CDH3: variants seen among roughly 807,000 people sequenced by gnomAD.
CDH3 encodes cadherin-3.
Under a neutral mutation model 82.0 loss-of-function variants are expected in CDH3, and 54 were observed. The observed-to-expected ratio is 0.66, with a 90% CI of 0.53 to 0.83. The LOEUF (loss-of-function observed/expected upper bound fraction) is 0.83, where lower values mean the gene tolerates loss of function less well. Ranked by LOEUF, CDH3 falls within the 40% of genes least tolerant of loss-of-function variation. The pLI, the probability that CDH3 is intolerant of heterozygous loss-of-function variation, is 0.00. For missense variants in CDH3, 1,054 were observed against 1,084.6 expected (o/e 0.97, Z 0.40); for synonymous variants, 446 against 437.9 (o/e 1.02, Z -0.23).
At chr16:68,658,742 T>C (rs1390022998) in intron 2 of CDH3, among the ~76,000 whole-genome samples, 1 of 152,058 alleles carries the variant, frequency 6.6e-6, no homozygotes, top group Admixed American at 6.6e-5. Flanking sequence ...TCTTCTCTTG[T>C]CTTTTATGGT....
chr16:68,647,204 G>T (rs1054629788), intron 2 of CDH3, among the ~76,000 whole-genome samples: 1 of 152,036 alleles, frequency 6.6e-6, no homozygotes, highest in Non-Finnish European at 1.5e-5. Context: ...ATCCAATTCC[G>T]GCTCCCTGAG....
chr16:68,691,263 C>T (rs1324185879), intron 12 of CDH3, among the ~76,000 whole-genome samples: 1 of 152,092 alleles, frequency 6.6e-6, no homozygotes, highest in Non-Finnish European at 1.5e-5. Context: ...TTCGGCCTCT[C>T]AAAGTGCCGG....
chr16:68,674,322 G>A (rs1324126034), intron 2 of CDH3, among the ~76,000 whole-genome samples: 3 of 152,142 alleles, frequency 2.0e-5, no homozygotes, highest in Non-Finnish European at 4.4e-5. Context: ...ATTGGCCATT[G>A]TGTATCTTCT....
intron 12 of CDH3, among the ~76,000 whole-genome samples, chr16:68,689,472 G>A (rs1270936119): frequency 6.6e-6 from 1 of 151,802 alleles, no homozygotes; most frequent in Admixed American, 6.6e-5. Flanking sequence ...GGAGGTGGAA[G>A]TTGCAGTGAG....
chr16:68,690,156 C>T (rs1961524969), intron 12 of CDH3, among the ~76,000 whole-genome samples: 1 of 152,148 alleles, frequency 6.6e-6, no homozygotes, highest in Non-Finnish European at 1.5e-5. Flanking sequence ...GTTAGCCTGC[C>T]ACCCCCTGGG....
chr16:68,653,251 AT>A (rs34905645), intron 2 of CDH3, among the ~76,000 whole-genome samples: 12 of 128,920 alleles, frequency 9.3e-5, no homozygotes, highest in African/African-American at 1.8e-4. Flanking sequence ...ATTTTATTTT[AT>A]TTTTGAGACA....
At chr16:68,711,597 G>A (rs4405542) in intron 1 of CDH3, among the ~76,000 whole-genome samples, 136,455 of 152,090 alleles carry the variant, frequency 0.9, 61,535 homozygotes, top group African/African-American at 0.97. Flanking sequence ...GCTTCCCACT[G>A]GAGAGGGGAC....
intron 1 of CDH3, among the ~76,000 whole-genome samples, chr16:68,714,161 T>G (rs1962065753): frequency 2.0e-5 from 3 of 152,146 alleles, no homozygotes; most frequent in Admixed American, 1.3e-4. Context: ...CTCGAACTCC[T>G]GACGTCAGGT....
Position 68,676,461 on chromosome 16 carries a change from G to A in CDH3, c.237G>A (p.Glu79=). The stretch of plus-strand genomic sequence containing the variant: ...ATGACTTCACTGTGCGGAATGGCGA[G>A]ACAGTCCAGGTAAAATACCATGTCC... ...DNDDFTVRNG[E]TVQERRSLKE... Residue 79 remains glutamate (E), a synonymous_variant, in exon 3 of 16, where the codon GAG becomes GAA. Transcript: ENST00000264012. 6.2e-7 allele frequency: 1 copy of A among 1,612,606 alleles called. No individual in the cohort carries two copies. Among genetic ancestry groups the A allele is most frequent in the Non-Finnish European group, 8.5e-7 (1 of 1,178,556 alleles).
downstream of CDH3, among the ~76,000 whole-genome samples, chr16:68,729,585 A>G (rs912067797): frequency 1.3e-4 from 20 of 152,200 alleles, no homozygotes; most frequent in East Asian, 1.9e-4. Flanking sequence ...CTTAAGGGGC[A>G]TAACAGACAA....
chr16:68,730,363 C>A (rs887971447), downstream of CDH3, among the ~76,000 whole-genome samples: 6 of 151,436 alleles, frequency 4.0e-5, no homozygotes, highest in African/African-American at 1.5e-4. Flanking sequence ...CCCGTCTCTA[C>A]TAAAACCACA....
Position 68,724,047 on chromosome 16 carries a change from C to T in CDH3, c.*45+1431C>T, listed in dbSNP as rs1001130510. Among the ~76,000 whole-genome samples the T allele has an allele frequency of 4.5e-4, 61 of 136,678 alleles. No individual in the cohort carries two copies. The East Asian group carries it at 9.8e-3, about 22-fold the overall frequency. The allele number at this position is 136,678 out of a possible 152,430, so 89.7% of individuals were successfully genotyped here. On this transcript the variant is annotated intron_variant, in intron 2 of 2. Coordinates refer to the CDH3 transcript ENST00000569080. Reference sequence around the variant, plus strand: ...TCGGGCCACTGCACTCCAGCCTGGGCGACAGAGCGAGACTCCGTCTCAAAA... The same window carrying T: ...TCGGGCCACTGCACTCCAGCCTGGGTGACAGAGCGAGACTCCGTCTCAAAA...
At position 68,682,301 on chromosome 16, in the gene CDH3, G is replaced by A; in HGVS notation, c.997-1G>A. 1 of 1,613,518 alleles carries A rather than the reference G, an allele frequency of 6.2e-7. No homozygotes were observed. Among genetic ancestry groups the A allele is most frequent in the Non-Finnish European group, 8.5e-7 (1 of 1,179,842 alleles). ...TAGTGCTGTGCTTCTCACACTGACAGTACGAGGCCCATGTGCCTGAGAATG... is the reference window on the plus strand; with the variant it reads ...TAGTGCTGTGCTTCTCACACTGACAATACGAGGCCCATGTGCCTGAGAATG... On this transcript the variant is annotated splice_acceptor_variant, in intron 8 of 15. Transcript: ENST00000264012. LOFTEE classifies it high-confidence loss of function.
chr16:68,651,921 T>G, intron 2 of CDH3: 1 of 383,682 alleles, frequency 2.6e-6, no homozygotes, highest in Non-Finnish European at 5.3e-6. Context: ...GGAGAGCCAG[T>G]ATGAGGGGCC....
At chr16:68,658,484 T>A (rs1030774791) in intron 2 of CDH3, among the ~76,000 whole-genome samples, 4 of 152,120 alleles carry the variant, frequency 2.6e-5, no homozygotes, top group Admixed American at 2.6e-4. Context: ...CTGGCTGGAC[T>A]GCTCACTGGC....
downstream of CDH3, among the ~76,000 whole-genome samples, chr16:68,729,226 A>G (rs944410276): frequency 6.6e-6 from 1 of 152,024 alleles, no homozygotes; most frequent in African/African-American, 2.4e-5. Flanking sequence ...AATTGCTTGA[A>G]CCCGGGAGGC....
chr16:68,649,964 G>A (rs1960191009), intron 2 of CDH3, among the ~76,000 whole-genome samples: 2 of 152,104 alleles, frequency 1.3e-5, no homozygotes, highest in East Asian at 3.9e-4. Flanking sequence ...AGCCCAGTAA[G>A]TGGAGGTTGC....
chr16:68,669,366 G>A (rs1960823631), intron 2 of CDH3, among the ~76,000 whole-genome samples: 1 of 152,156 alleles, frequency 6.6e-6, no homozygotes, highest in African/African-American at 2.4e-5. Flanking sequence ...CTCCTCAGAT[G>A]TATCTGGAAT....
chr16:68,698,308 T>A lies in CDH3; in HGVS notation c.2398T>A (p.Ser800Thr). The change falls in exon 16 of 16, where the codon TCC becomes ACC. Residue 800 changes from serine to threonine, a missense_variant. Coordinates refer to ENST00000264012, the MANE Select transcript of CDH3 (RefSeq NM_001793.6). ...ASLSSLTSSA[S>T]DQDQDYDYLN... is the part of the protein sequence containing the mutation. ...CCTGAGCTCCCTCACCTCCTCCGCCTCCGACCAAGACCAAGATTACGATTA... is the reference window on the plus strand; with the variant it reads ...CCTGAGCTCCCTCACCTCCTCCGCCACCGACCAAGACCAAGATTACGATTA... 1 of 1,614,206 alleles carries A rather than the reference T, an allele frequency of 6.2e-7. No individual in the cohort carries two copies. Among genetic ancestry groups the A allele is most frequent in the Non-Finnish European group, 8.5e-7 (1 of 1,180,028 alleles).
Sources: allele counts gnomAD v4.1 joint callset (sites outside exome capture counted in the v4.1 genomes callset), GRCh38; gene constraint gnomAD v4.1.1; transcripts MANE v1.5; gene names NCBI Gene and HGNC (gene_info 2026-07-23, HGNC 2026-07-21).